Variants in ATP8A2 observed in about 807,000 individuals in gnomAD.
The protein encoded by ATP8A2 is ATPase phospholipid transporting 8A2.
A neutral mutation model predicts 165.6 loss-of-function variants in ATP8A2; 100 were observed. The observed-to-expected ratio is 0.60, with a 90% CI of 0.51 to 0.71. The LOEUF (loss-of-function observed/expected upper bound fraction) is 0.71. ATP8A2 is among the 30% of genes least tolerant of loss of function. The pLI, the probability that ATP8A2 is intolerant of heterozygous loss-of-function variation, is 0.00. For missense variants in ATP8A2, 1,227 were observed against 1,479.5 expected (o/e 0.83, Z 2.80); for synonymous variants, 543 against 548.8 (o/e 0.99, Z 0.15).
Position 25,655,111 on chromosome 13 carries a change from C to G in ATP8A2, c.2212-44062C>G, listed in dbSNP as rs75168067. Among the ~76,000 whole-genome samples, 4 of 152,244 alleles carry G rather than the reference C, an allele frequency of 2.6e-5. No individual in the cohort carries two copies. The East Asian group carries it at 7.7e-4, about 29-fold the overall frequency. ...TCTACATTGAGGAAGTAGGCACTCACCCATGGTGGGTGGTCTGATGTCCTT... is the reference window on the plus strand; with the variant it reads ...TCTACATTGAGGAAGTAGGCACTCAGCCATGGTGGGTGGTCTGATGTCCTT... On this transcript the variant is annotated intron_variant, in intron 24 of 36. Coordinates refer to ENST00000381655, the MANE Select transcript of ATP8A2 (RefSeq NM_016529.6).
At chr13:25,943,213 C>T (rs921863604) in intron 33 of ATP8A2, among the ~76,000 whole-genome samples, 2 of 152,142 alleles carry the variant, frequency 1.3e-5, no homozygotes, top group Non-Finnish European at 1.5e-5. Context: ...CAGGATAGTT[C>T]AGCCGTTGCA....
At chr13:25,422,327 C>T (rs565893507) in intron 1 of ATP8A2, among the ~76,000 whole-genome samples, 4 of 152,234 alleles carry the variant, frequency 2.6e-5, no homozygotes, top group African/African-American at 9.6e-5. Flanking sequence ...AAAGCATTGA[C>T]CTGTTTGTAA....
intron 25 of ATP8A2, among the ~76,000 whole-genome samples, chr13:25,716,717 G>A (rs568589043): frequency 3.9e-5 from 6 of 152,270 alleles, no homozygotes; most frequent in East Asian, 3.9e-4. Context: ...CTCTTATTAC[G>A]TGTAAAACAT....
chr13:25,514,656 T>C (rs1384050077), intron 2 of ATP8A2, among the ~76,000 whole-genome samples: 3 of 152,216 alleles, frequency 2.0e-5, no homozygotes, highest in Admixed American at 1.3e-4. Context: ...TCGAACTCTT[T>C]ATAGTTTATC....
chr13:26,018,452 T>A (rs1243719580), intron 36 of ATP8A2, among the ~76,000 whole-genome samples: 1 of 152,242 alleles, frequency 6.6e-6, no homozygotes, highest in Non-Finnish European at 1.5e-5. Context: ...CCTTTTCGAC[T>A]TCTTTTCTCC....
intron 24 of ATP8A2, among the ~76,000 whole-genome samples, chr13:25,627,761 A>T (rs61947480): frequency 6.6e-6 from 1 of 152,174 alleles, no homozygotes; most frequent in Non-Finnish European, 1.5e-5. Context: ...TCATTAACTG[A>T]GATGGAGCTA....
At chr13:25,465,755 C>CTCTCTCTCTCTCTT (rs746455176) in intron 1 of ATP8A2, among the ~76,000 whole-genome samples, 2,886 of 11,674 alleles carry the variant, frequency 0.25, 1,078 homozygotes, top group East Asian at 0.77. Context: ...CTCCCTCTCT[C>CTCTCTCTCTCTCTT]TCTCTCTTTC....
intron 7 of ATP8A2, among the ~76,000 whole-genome samples, chr13:25,538,455 T>C (rs900513438): frequency 6.6e-6 from 1 of 152,200 alleles, no homozygotes; most frequent in Non-Finnish European, 1.5e-5. Flanking sequence ...GTGCTGCACA[T>C]TGATAGCTGT....
intron 4 of ATP8A2, among the ~76,000 whole-genome samples, chr13:25,531,237 T>TATATG: frequency 1.9e-5 from 1 of 53,342 alleles, no homozygotes; most frequent in East Asian, 7.8e-4. Context: ...TTATATATGA[T>TATATG]ATATATGTTA....
intron 1 of ATP8A2, among the ~76,000 whole-genome samples, chr13:25,427,902 AG>A: frequency 6.6e-6 from 1 of 152,140 alleles, no homozygotes; most frequent in East Asian, 1.9e-4. Context: ...CAGAAAAAAA[AG>A]AAAAAGCAAG....
chr13:25,814,620 T>A (rs201647169), intron 27 of ATP8A2, among the ~76,000 whole-genome samples: 32 of 129,612 alleles, frequency 2.5e-4, no homozygotes, highest in Non-Finnish European at 2.5e-4. Flanking sequence ...AGCATTCAAT[T>A]AAAAAAAAAA....
chr13:25,999,991 A>G, intron 35 of ATP8A2, among the ~76,000 whole-genome samples: 1 of 152,214 alleles, frequency 6.6e-6, no homozygotes, highest in Non-Finnish European at 1.5e-5. Context: ...TTTAGATAAA[A>G]CAAAGGTCTA....
At chr13:25,817,362 G>A (rs1951054410) in intron 27 of ATP8A2, among the ~76,000 whole-genome samples, 1 of 138,560 alleles carries the variant, frequency 7.2e-6, no homozygotes, top group African/African-American at 2.7e-5. Context: ...GGGGGGGGGG[G>A]AAACACGATT....
At chr13:25,978,316 T>G (rs1404230673) in intron 35 of ATP8A2, among the ~76,000 whole-genome samples, 1 of 152,236 alleles carries the variant, frequency 6.6e-6, no homozygotes, top group Non-Finnish European at 1.5e-5. Flanking sequence ...GCTTTTCTCC[T>G]GCGTTATCAG....
At chr13:25,625,302 A>C (rs1307193862) in intron 24 of ATP8A2, among the ~76,000 whole-genome samples, 2 of 152,232 alleles carry the variant, frequency 1.3e-5, no homozygotes, top group Non-Finnish European at 2.9e-5. Flanking sequence ...TTTTGAAAGC[A>C]TTAAGCATTT....
At chr13:25,960,182 G>A (rs1035636868) in intron 33 of ATP8A2, among the ~76,000 whole-genome samples, 4 of 152,210 alleles carry the variant, frequency 2.6e-5, no homozygotes, top group Non-Finnish European at 5.9e-5. Context: ...GGGATGCTGT[G>A]AGTATAGACG....
rs535724557 is a variant in ATP8A2 at position 25,886,479 on chromosome 13, G to A, written c.3183+24071G>A. Among the ~76,000 whole-genome samples the A allele has an allele frequency of 5.3e-4, 80 of 152,284 alleles. 1 individual carries two copies. The highest frequency in any genetic ancestry group is 1.9e-3 in the African/African-American group (77 of 41,564). On this transcript the variant is annotated intron_variant, in intron 33 of 36. Transcript: ENST00000381655. ...AAATGCTGCCCTCCCTATTTTTGTCGCATCTGCAAGTGTGGTATGCATCTT... is the reference window on the plus strand; with the variant it reads ...AAATGCTGCCCTCCCTATTTTTGTCACATCTGCAAGTGTGGTATGCATCTT...
chr13:25,528,324 C>T (rs1256804065), intron 2 of ATP8A2, among the ~76,000 whole-genome samples: 2 of 152,104 alleles, frequency 1.3e-5, no homozygotes, highest in Non-Finnish European at 2.9e-5. Flanking sequence ...ATTTTTAGCA[C>T]CTTAGGTAGA....
chr13:25,987,753 C>T (rs928319827), intron 35 of ATP8A2, among the ~76,000 whole-genome samples: 5 of 152,194 alleles, frequency 3.3e-5, no homozygotes, highest in Non-Finnish European at 7.3e-5. Context: ...CACCAGATAA[C>T]TGAATGCTAA....
Sources: allele counts gnomAD v4.1 joint callset (sites outside exome capture counted in the v4.1 genomes callset), GRCh38; gene constraint gnomAD v4.1.1; transcripts MANE v1.5; gene names NCBI Gene and HGNC (gene_info 2026-07-23, HGNC 2026-07-21).